The following SENP6 variants were observed in gnomAD, a reference collection of about 807,000 sequenced individuals.
SENP6 encodes sentrin-specific protease 6.
Under a neutral mutation model 134.5 loss-of-function variants are expected in SENP6, and 41 were observed. The observed-to-expected ratio is 0.30, with a 90% CI of 0.24 to 0.40. The LOEUF is 0.40. Ranked by LOEUF, SENP6 falls within the 10% of genes least tolerant of loss-of-function variation. The pLI, the probability that SENP6 is intolerant of heterozygous loss-of-function variation, is 1.00. For missense variants in SENP6, 1,248 were observed against 1,312.5 expected (o/e 0.95, Z 0.76); for synonymous variants, 395 against 429.8 (o/e 0.92, Z 1.00).
At position 75,634,766 on chromosome 6, in the gene SENP6, A is replaced by C; in HGVS notation, c.413A>C (p.His138Pro). The part of the protein sequence containing the change: ...SGTVVHGRRF[H>P]HAHAQIPVVK... ...ACTGTAGTTCATGGTAGACGTTTTC[A>C]TCATGCTCATGCACAGATACCAGTA... Residue 138 changes from histidine (H) to proline (P), a missense_variant, in exon 5 of 24, where the codon CAT becomes CCT. His to Pro is a moderately conservative substitution (Grantham distance 77, BLOSUM62 -2). Around this residue, in one of 3 missense-constraint regions of SENP6, gnomAD observed 733 missense variants for 725.4 expected, o/e 1.01. Transcript: ENST00000447266. 1 of 1,598,556 alleles carries C rather than the reference A, an allele frequency of 6.3e-7. No homozygotes were observed. The highest frequency in any genetic ancestry group is 8.5e-7 in the Non-Finnish European group (1 of 1,176,672).
In SENP6 at chr6:75,626,841, A is replaced by G. The variant is rs72654717; in HGVS notation, c.207+2881A>G. Among the ~76,000 whole-genome samples the G allele has an allele frequency of 0.011, 1,619 of 152,272 alleles. 60 individuals carry two copies. In the East Asian group the frequency reaches 0.14, roughly 13 times the overall value. On this transcript the variant is annotated intron_variant, in intron 3 of 23. Transcript: ENST00000447266. ...GCTGATCTGAACATAGCACCTTCAC[A>G]TATTTCCTGTATTTACAGTGTAAGA...
In SENP6 at chr6:75,664,575, A is replaced by G. The variant is rs145411095; in HGVS notation, c.994+1057A>G. Among the ~76,000 whole-genome samples, 800 of 152,294 alleles carry G rather than the reference A, an allele frequency of 5.3e-3. 1 individual carries two copies. The highest frequency in any genetic ancestry group is 8.5e-3 in the Non-Finnish European group (579 of 68,012). On this transcript the variant is annotated intron_variant, in intron 9 of 23. Transcript: ENST00000447266. ...AAACCCCACCTCTCAAATGCTATATATGTAAATCTGTTTAGATCGTCTAAT... is the reference window on the plus strand; with the variant it reads ...AAACCCCACCTCTCAAATGCTATATGTGTAAATCTGTTTAGATCGTCTAAT...
chr6:75,666,488 A>G (rs944926714), intron 9 of SENP6, among the ~76,000 whole-genome samples: 3 of 151,200 alleles, frequency 2.0e-5, no homozygotes, highest in South Asian at 4.1e-4. Flanking sequence ...ATATTTTTTA[A>G]AAGATACCAA....
At chr6:75,675,392 T>C in intron 11 of SENP6, 43 bp from the exon 12 acceptor site, 1 of 1,149,042 alleles carries the variant, frequency 8.7e-7, no homozygotes, top group Admixed American at 2.5e-5. Context: ...AGCCTGCCTT[T>C]CTTTGTAAGT....
intron 7 of SENP6, among the ~76,000 whole-genome samples, chr6:75,648,408 G>T (rs1770616961): frequency 6.6e-6 from 1 of 152,080 alleles, no homozygotes; most frequent in Non-Finnish European, 1.5e-5. Context: ...TTTTTCTGAG[G>T]CCTTTGTTTG....
chr6:75,612,721 T>C (rs947142229), intron 1 of SENP6, among the ~76,000 whole-genome samples: 1 of 152,160 alleles, frequency 6.6e-6, no homozygotes, highest in Non-Finnish European at 1.5e-5. Context: ...GAAACCACTT[T>C]GGAGATCAGT....
Position 75,702,877 on chromosome 6 carries a change from C to T in SENP6, c.2521C>T (p.Pro841Ser). ...TTGCATAGCTGTAATTGATTCCAATCCTGGGCAGGAAGAAAGTGACCCTCG... is the reference window on the plus strand; with the variant it reads ...TTGCATAGCTGTAATTGATTCCAATTCTGGGCAGGAAGAAAGTGACCCTCG... ...KHCIAVIDSN[P>S]GQEESDPRYK... is the part of the protein sequence containing the mutation. Residue 841 changes from proline to serine, a missense_variant, in exon 19 of 24, where the codon CCT becomes TCT. Around this residue, in one of 3 missense-constraint regions of SENP6, gnomAD observed 386 missense variants for 395.0 expected, o/e 0.98. Coordinates refer to ENST00000447266, the MANE Select transcript of SENP6 (RefSeq NM_015571.4). The T allele has an allele frequency of 1.9e-6, 3 of 1,614,076 alleles. No homozygotes were observed. The highest frequency in any genetic ancestry group is 2.5e-6 in the Non-Finnish European group (3 of 1,179,996).
At chr6:75,704,119 C>T (rs1775227301) in intron 19 of SENP6, among the ~76,000 whole-genome samples, 1 of 152,054 alleles carries the variant, frequency 6.6e-6, no homozygotes, top group Non-Finnish European at 1.5e-5. Flanking sequence ...AGGTATGTCT[C>T]GTCAGGTGGG....
intron 17 of SENP6, among the ~76,000 whole-genome samples, chr6:75,696,681 T>G (rs1582883146): frequency 6.6e-6 from 1 of 152,196 alleles, no homozygotes; most frequent in East Asian, 1.9e-4. Context: ...TTCACCATGT[T>G]TCCCAGGCTG....
At chr6:75,624,035 T>A in intron 3 of SENP6, 75 bp downstream of exon 3, 1 of 1,233,692 alleles carries the variant, frequency 8.1e-7, no homozygotes, top group Non-Finnish European at 1.1e-6. Flanking sequence ...ATTTAATATT[T>A]TTAAATTATA....
At chr6:75,640,927 T>C (rs1021561581) in intron 6 of SENP6, among the ~76,000 whole-genome samples, 1 of 152,142 alleles carries the variant, frequency 6.6e-6, no homozygotes, top group African/African-American at 2.4e-5. Context: ...AATTAGTATA[T>C]CCATCACCTC....
intron 19 of SENP6, among the ~76,000 whole-genome samples, chr6:75,705,389 A>G (rs998416596): frequency 1.3e-5 from 2 of 152,004 alleles, no homozygotes; most frequent in African/African-American, 2.4e-5. Flanking sequence ...TACTAAAAAT[A>G]CAAAAATTAG....
rs76558645 is a variant in SENP6, at chr6:75,694,344, T to G, written c.2076-1460T>G. 2.2e-4 allele frequency among the ~76,000 whole-genome samples: 34 copies of G among 152,386 alleles called. 1 individual carries two copies. In the East Asian group the frequency reaches 5.2e-3, roughly 23 times the overall value. On this transcript the variant is annotated intron_variant, in intron 16 of 23. Transcript: ENST00000447266. ...ACTGTACAAGTTCTTTCTCTTTATT[T>G]TCTATTTTCATAAAAAATACTATGC...
At chr6:75,658,083 TA>T (rs1168533448) in intron 7 of SENP6, among the ~76,000 whole-genome samples, 1 of 152,112 alleles carries the variant, frequency 6.6e-6, no homozygotes, top group Admixed American at 6.5e-5. Flanking sequence ...AGGCAAGAGT[TA>T]AGCGTCAGAA....
chr6:75,673,884 G>A lies in SENP6; in HGVS notation c.1393-1551G>A, dbSNP rs1582828007. On this transcript the variant is annotated intron_variant, in intron 11 of 23. Coordinates refer to ENST00000447266, the MANE Select transcript of SENP6 (RefSeq NM_015571.4). ...AAGACTACAAAAATTAGTGGGGTGT[G>A]GTGGCGTGCACCCGTAACCCCAGCT... is the stretch of plus-strand genomic sequence containing the variant. Among the ~76,000 whole-genome samples, 3 of 151,754 alleles carry A rather than the reference G, an allele frequency of 2.0e-5. No individual in the cohort carries two copies. The East Asian group carries it at 6.0e-4, about 30-fold the overall frequency.
chr6:75,693,398 A>G (rs72888705), intron 16 of SENP6, among the ~76,000 whole-genome samples: 28,277 of 141,668 alleles, frequency 0.2, 3,096 homozygotes, highest in African/African-American at 0.32. Flanking sequence ...AGTGATACTC[A>G]GTCTGAAATT....
In SENP6 at chr6:75,708,362, C is replaced by G. The variant is rs201289254; in HGVS notation, c.2717-1165C>G. 5.2e-4 allele frequency among the ~76,000 whole-genome samples: 79 copies of G among 152,196 alleles called. No homozygotes were observed. In the East Asian group the frequency reaches 6.2e-3, roughly 12 times the overall value. On this transcript the variant is annotated intron_variant, in intron 19 of 23. Coordinates refer to ENST00000447266, the MANE Select transcript of SENP6 (RefSeq NM_015571.4). ...CTTAACACCTTTTTATTAACTTATACCAAAATTTATTTTATCCTGTCTACA... is the reference window on the plus strand; with the variant it reads ...CTTAACACCTTTTTATTAACTTATAGCAAAATTTATTTTATCCTGTCTACA...
chr6:75,711,447 C>T (rs1235694668), intron 21 of SENP6, 31 bp downstream of exon 21: 1 of 1,418,954 alleles, frequency 7.0e-7, no homozygotes, highest in Admixed American at 1.9e-5. Context: ...TTGAAAACTA[C>T]ATAATTTTTA....
intron 8 of SENP6, among the ~76,000 whole-genome samples, chr6:75,660,428 A>G (rs1037400453): frequency 6.6e-6 from 1 of 152,142 alleles, no homozygotes; most frequent in Non-Finnish European, 1.5e-5. Context: ...GTACATATGA[A>G]TACTTTACTT....
Sources: allele counts gnomAD v4.1 joint callset (sites outside exome capture counted in the v4.1 genomes callset), GRCh38; gene constraint gnomAD v4.1.1; regional missense constraint gnomAD v4.1.1; transcripts MANE v1.5; gene names NCBI Gene and HGNC (gene_info 2026-07-23, HGNC 2026-07-21).